CMTM8: variants seen among roughly 807,000 people sequenced by gnomAD.
CMTM8 encodes the protein CKLF-like MARVEL transmembrane domain-containing protein 8.
CMTM8 carries 12 observed loss-of-function variants against 18.6 expected under a neutral mutation model. That is an observed-to-expected ratio of 0.65 (90% CI 0.41 to 1.05). CMTM8 has a LOEUF of 1.05. Among genes scored for constraint, CMTM8 ranks in the 50% least tolerant of loss-of-function variants. CMTM8 has a pLI of 0.00. For missense variants in CMTM8, 217 were observed against 227.2 expected (o/e 0.95, Z 0.29); for synonymous variants, 87 against 90.6 (o/e 0.96, Z 0.23).
intron 1 of CMTM8, among the ~76,000 whole-genome samples, chr3:32,355,406 G>A (rs541255659): frequency 3.9e-5 from 6 of 151,974 alleles, no homozygotes; most frequent in African/African-American, 1.2e-4. Flanking sequence ...CATTGTATCC[G>A]CTCCCTTCTC....
At position 32,357,428 on chromosome 3, in the gene CMTM8, C is replaced by A; in HGVS notation, c.203C>A (p.Pro68His). The A allele has an allele frequency of 6.2e-7, 1 of 1,614,104 alleles. No individual in the cohort carries two copies. The highest frequency in any genetic ancestry group is 1.3e-5 in the African/African-American group (1 of 75,012). The part of the protein sequence containing the change: ...LIAGTEYFRV[P>H]AFGWVMFVAV... Reference sequence around the variant, plus strand: ...GCTGGAACTGAGTACTTCCGGGTCCCCGCATTTGGCTGGGTCATGTTTGTA... The same window carrying A: ...GCTGGAACTGAGTACTTCCGGGTCCACGCATTTGGCTGGGTCATGTTTGTA... Residue 68 changes from proline (P) to histidine (H), a missense_variant, in exon 2 of 4, where the codon CCC becomes CAC. Coordinates refer to ENST00000307526, the MANE Select transcript of CMTM8 (RefSeq NM_178868.5).
At chr3:32,330,442 C>A (rs1696251741) in intron 1 of CMTM8, among the ~76,000 whole-genome samples, 1 of 152,020 alleles carries the variant, frequency 6.6e-6, no homozygotes, top group African/African-American at 2.4e-5. Flanking sequence ...TATGAATAAC[C>A]ACTGCACTCC....
At position 32,370,008 on chromosome 3, in the gene CMTM8, T is replaced by G; in HGVS notation, c.*41T>G. 2 of 1,239,924 alleles carry G rather than the reference T, an allele frequency of 1.6e-6. No individual in the cohort carries two copies. The highest frequency in any genetic ancestry group is 2.3e-6 in the Non-Finnish European group (2 of 864,322). The allele number at this position is 1,239,924 out of a possible 1,614,324, so 76.8% of individuals were successfully genotyped here. On this transcript the variant is annotated 3_prime_UTR_variant, in exon 4 of 4. Coordinates refer to ENST00000307526, the MANE Select transcript of CMTM8 (RefSeq NM_178868.5). ...ATTAAAAGGAAAAAAAAAGGAAGACTCTCACTGTAAAAACAGCTGTAGGTA... is the reference window on the plus strand; with the variant it reads ...ATTAAAAGGAAAAAAAAAGGAAGACGCTCACTGTAAAAACAGCTGTAGGTA...
At chr3:32,362,719 A>G (rs6786505) in intron 2 of CMTM8, among the ~76,000 whole-genome samples, 139,207 of 152,204 alleles carry the variant, frequency 0.91, 64,209 homozygotes, top group South Asian at 0.97. Context: ...TGTTATTGTA[A>G]ATCTTCCAAA....
chr3:32,326,395 A>G (rs1043053315), intron 1 of CMTM8, among the ~76,000 whole-genome samples: 2 of 152,094 alleles, frequency 1.3e-5, no homozygotes, highest in African/African-American at 4.8e-5. Flanking sequence ...ATTACCATCC[A>G]AAGTGTTGCT....
chr3:32,286,350 A>G (rs1193120841), intron 1 of CMTM8, among the ~76,000 whole-genome samples: 3 of 152,224 alleles, frequency 2.0e-5, no homozygotes, highest in Non-Finnish European at 4.4e-5. Flanking sequence ...GTGGTGGGCT[A>G]GATGTGGCCT....
chr3:32,362,974 C>T (rs1437699676), intron 2 of CMTM8, among the ~76,000 whole-genome samples: 1 of 152,216 alleles, frequency 6.6e-6, no homozygotes, highest in African/African-American at 2.4e-5. Flanking sequence ...TTCTAAATGA[C>T]TGCCTCTGGC....
chr3:32,262,045 C>T (rs574166091), intron 1 of CMTM8, among the ~76,000 whole-genome samples: 10 of 152,250 alleles, frequency 6.6e-5, no homozygotes, highest in African/African-American at 2.4e-4. Context: ...CTACTGGAAT[C>T]ATACCATGGA....
chr3:32,261,954 T>A (rs1226818320), intron 1 of CMTM8, among the ~76,000 whole-genome samples: 1 of 152,142 alleles, frequency 6.6e-6, no homozygotes, highest in Non-Finnish European at 1.5e-5. Context: ...CCGCAAGGGA[T>A]TTATTATGCA....
intron 1 of CMTM8, among the ~76,000 whole-genome samples, chr3:32,272,560 C>CT (rs143448703): frequency 0.046 from 6,955 of 151,944 alleles, 229 homozygotes; most frequent in Admixed American, 0.07. Flanking sequence ...TTTATTAATT[C>CT]TTTTTTTTAG....
At chr3:32,305,828 C>A (rs969692990) in intron 1 of CMTM8, among the ~76,000 whole-genome samples, 13 of 152,284 alleles carry the variant, frequency 8.5e-5, no homozygotes, top group African/African-American at 2.4e-4. Context: ...TAACAGAAAT[C>A]TTTAATTTTG....
intron 1 of CMTM8, among the ~76,000 whole-genome samples, chr3:32,258,304 C>T (rs1464903568): frequency 6.6e-6 from 1 of 152,086 alleles, no homozygotes; most frequent in Non-Finnish European, 1.5e-5. Flanking sequence ...TTCGGCACTA[C>T]TACGTATTTT....
chr3:32,324,777 A>G (rs766476354), intron 1 of CMTM8, among the ~76,000 whole-genome samples: 8 of 152,234 alleles, frequency 5.3e-5, no homozygotes, highest in Admixed American at 3.3e-4. Flanking sequence ...AGGGAAGTGT[A>G]TAGATTTTTA....
intron 1 of CMTM8, among the ~76,000 whole-genome samples, chr3:32,298,967 T>TG (rs1255898896): frequency 6.2e-4 from 89 of 144,184 alleles, no homozygotes; most frequent in Non-Finnish European, 1.1e-3. Flanking sequence ...TTTTTTTTTT[T>TG]TAGAGACAGG....
intron 1 of CMTM8, among the ~76,000 whole-genome samples, chr3:32,297,646 C>G (rs953358748): frequency 2.4e-4 from 36 of 151,974 alleles, no homozygotes; most frequent in African/African-American, 8.7e-4. Context: ...GTCTGAAATC[C>G]CAGCAGTGTC....
At chr3:32,296,459 T>C (rs781643749) in intron 1 of CMTM8, among the ~76,000 whole-genome samples, 2 of 152,240 alleles carry the variant, frequency 1.3e-5, no homozygotes, top group African/African-American at 2.4e-5. Flanking sequence ...TGGATACATG[T>C]TCTGACTTGG....
Position 32,238,846 on chromosome 3 carries a change from C to T in CMTM8, c.-127C>T. ...CAGCCCCCGGCGGGCGCCCCCCTCGCACCTCCTGCCCCGCGCGGGCCGCGC... is the reference window on the plus strand; with the variant it reads ...CAGCCCCCGGCGGGCGCCCCCCTCGTACCTCCTGCCCCGCGCGGGCCGCGC... On this transcript the variant is annotated 5_prime_UTR_variant, in exon 1 of 4. Transcript: ENST00000307526. 1.2e-6 allele frequency: 1 copy of T among 800,148 alleles called. No individual in the cohort carries two copies. Among genetic ancestry groups the T allele is most frequent in the Non-Finnish European group, 1.7e-6 (1 of 594,412 alleles). The allele number at this position is 800,148 out of a possible 1,614,324, so 49.6% of individuals were successfully genotyped here. A position where few individuals can be genotyped will look rare whatever the true frequency, so the allele number is the denominator to read the frequency against.
chr3:32,327,980 G>A (rs985381378), intron 1 of CMTM8, among the ~76,000 whole-genome samples: 7 of 152,182 alleles, frequency 4.6e-5, no homozygotes, highest in Non-Finnish European at 8.8e-5. Flanking sequence ...GGAGGCTGAG[G>A]CAGGAGGACT....
At chr3:32,297,359 T>C (rs1348431727) in intron 1 of CMTM8, among the ~76,000 whole-genome samples, 1 of 152,138 alleles carries the variant, frequency 6.6e-6, no homozygotes, top group Non-Finnish European at 1.5e-5. Context: ...TTGCATTTTT[T>C]AGTAGAGGTG....
Sources: allele counts gnomAD v4.1 joint callset (sites outside exome capture counted in the v4.1 genomes callset), GRCh38; gene constraint gnomAD v4.1.1; transcripts MANE v1.5; gene names NCBI Gene and HGNC (gene_info 2026-07-23, HGNC 2026-07-21).